The following MTR variants were observed in gnomAD, a reference collection of about 807,000 sequenced individuals.
MTR encodes the protein methionine synthase.
A neutral mutation model predicts 154.8 loss-of-function variants in MTR; 84 were observed. That is an observed-to-expected ratio of 0.54 (90% CI 0.45 to 0.65). MTR has a LOEUF of 0.65. MTR is among the 30% of genes least tolerant of loss of function. MTR has a pLI of 0.00. For synonymous variants in MTR, 554 were observed against 553.9 expected, an observed-to-expected ratio of 1.00 and a Z score of 0.00; for missense variants, 1,275 against 1,570.2, an observed-to-expected ratio of 0.81 and a Z score of 3.18.
In MTR at chr1:236,850,377, A is replaced by T; in HGVS notation, c.1549A>T (p.Thr517Ser). The change falls in exon 16 of 33, where the codon ACC becomes TCC. Residue 517 changes from threonine to serine, a missense_variant. Physicochemically the swap from Thr to Ser is moderately conservative, Grantham distance 58 (BLOSUM62 1). Transcript: ENST00000366577. ...AACAGACACAAAAATCAGAGTGTGC[A>T]CCCGGGCCTACCATCTGCTTGTGAA... is the stretch of plus-strand genomic sequence containing the variant. Reference protein sequence around the residue: ...TETDTKIRVCTRAYHLLVKKL... With the variant: ...TETDTKIRVCSRAYHLLVKKL... The T allele has an allele frequency of 6.2e-7, 1 of 1,613,800 alleles. No homozygotes were observed. The highest frequency in any genetic ancestry group is 8.5e-7 in the Non-Finnish European group (1 of 1,179,912).
chr1:236,806,046 G>A (rs894884856), intron 2 of MTR, 98 bp from the exon 3 acceptor site: 2 of 987,466 alleles, frequency 2.0e-6, no homozygotes, highest in African/African-American at 1.6e-5. Flanking sequence ...ATGGTCAAAA[G>A]GTAGCTGCTG....
At chr1:236,891,904 A>G (rs1021562872) in intron 29 of MTR, among the ~76,000 whole-genome samples, 2 of 152,016 alleles carry the variant, frequency 1.3e-5, no homozygotes, top group African/African-American at 4.8e-5. Context: ...CCCCCAATAT[A>G]GAGAGGAGAG....
intron 18 of MTR, among the ~76,000 whole-genome samples, chr1:236,854,624 C>G (rs1255515789): frequency 6.6e-6 from 1 of 152,154 alleles, no homozygotes; most frequent in South Asian, 2.1e-4. Flanking sequence ...TGAAGTCATA[C>G]TAGACAGTTC....
At chr1:236,863,755 G>T (rs10802567) in intron 22 of MTR, among the ~76,000 whole-genome samples, 1 of 152,044 alleles carries the variant, frequency 6.6e-6, no homozygotes, top group Non-Finnish European at 1.5e-5. Flanking sequence ...GTAATTATCC[G>T]TGTTCAAAAA....
At position 236,824,189 on chromosome 1, in the gene MTR, A is replaced by G; in HGVS notation, c.835A>G (p.Thr279Ala). ...TATTGAAATAATTGGAAAATGTACA[A>G]CAGCCTATGTCCTCTGTTATCCCAA... The part of the protein sequence containing the change: ...PFIEIIGKCT[T>A]AYVLCYPNAG... The change falls in exon 9 of 33, where the codon ACA (threonine) becomes GCA (alanine). Residue 279 changes from threonine (T) to alanine (A), a missense_variant. Thr to Ala is a moderately conservative substitution (Grantham distance 58). Transcript: ENST00000366577. 1 of 1,614,060 alleles carries G rather than the reference A, an allele frequency of 6.2e-7. No homozygotes were observed. Among genetic ancestry groups the G allele is most frequent in the Non-Finnish European group, 8.5e-7 (1 of 1,179,954 alleles).
Position 236,838,413 on chromosome 1 carries a change from G to A in MTR, c.1330-1G>A, listed in dbSNP as rs768711513. The A allele has an allele frequency of 3.0e-5, 48 of 1,613,982 alleles. No individual in the cohort carries two copies. Among genetic ancestry groups the A allele is most frequent in the Non-Finnish European group, 3.9e-5 (46 of 1,180,010 alleles). ...TGATTTTCTTGCCTTTCTGATCTCA[G>A]GTACCTTTGTGCATCGACTCCTCCA... On this transcript the variant is annotated splice_acceptor_variant, in intron 14 of 32. Transcript: ENST00000366577. LOFTEE classifies it high-confidence loss of function.
At chr1:236,798,808 C>G (rs543003199) in intron 1 of MTR, among the ~76,000 whole-genome samples, 1 of 152,248 alleles carries the variant, frequency 6.6e-6, no homozygotes, top group African/African-American at 2.4e-5. Context: ...CAGATAAATA[C>G]AATTTTGTTG....
intron 13 of MTR, among the ~76,000 whole-genome samples, chr1:236,833,591 T>G (rs879832586): frequency 7.9e-5 from 12 of 152,054 alleles, no homozygotes; most frequent in Non-Finnish European, 1.3e-4. Context: ...GTGGAAACAG[T>G]AGGAGGGGGC....
chr1:236,864,422 C>T (rs985842408), intron 22 of MTR, among the ~76,000 whole-genome samples: 3 of 152,244 alleles, frequency 2.0e-5, no homozygotes, highest in African/African-American at 4.8e-5. Context: ...TCATTAAATG[C>T]GGCTAAGAAC....
intron 19 of MTR, 28 bp from the exon 20 acceptor site, chr1:236,861,097 C>CTTTTTTTTTTTTTTTTTTCTTTTTTTT: frequency 8.6e-7 from 1 of 1,156,660 alleles, no homozygotes; most frequent in Non-Finnish European, 1.2e-6. Context: ...CTTTCTTTTT[C>CTTTTTTTTTTTTTTTTTTCTTTTTTTT]TTTTTTTTTT....
At chr1:236,837,363 C>G (rs1205405609) in intron 14 of MTR, among the ~76,000 whole-genome samples, 1 of 152,206 alleles carries the variant, frequency 6.6e-6, no homozygotes. Flanking sequence ...CCCTGGGAAG[C>G]TTTCCCTGGA....
At chr1:236,887,947 A>G (rs1401040318) in intron 27 of MTR, among the ~76,000 whole-genome samples, 1 of 152,224 alleles carries the variant, frequency 6.6e-6, no homozygotes, top group Non-Finnish European at 1.5e-5. Flanking sequence ...GATTCCTTTT[A>G]GTTTCTCTAC....
At chr1:236,872,355 C>T (rs902160484) in intron 22 of MTR, among the ~76,000 whole-genome samples, 1 of 152,078 alleles carries the variant, frequency 6.6e-6, no homozygotes, top group Non-Finnish European at 1.5e-5. Context: ...GCCCTCTTGC[C>T]CTCGGTGACC....
chr1:236,833,370 T>C (rs1424803352), intron 13 of MTR, among the ~76,000 whole-genome samples: 3 of 152,256 alleles, frequency 2.0e-5, no homozygotes, highest in African/African-American at 7.2e-5. Flanking sequence ...GGTCTTTCTA[T>C]ATGCCAGTCA....
rs1226406852 is a variant in MTR, at chr1:236,900,999, A to T, written c.*3355A>T. 6.5e-6 allele frequency: 1 copy of T among 152,960 alleles called. No homozygotes were observed. Among genetic ancestry groups the T allele is most frequent in the Non-Finnish European group, 1.5e-5 (1 of 68,174 alleles). 9.5% of individuals were successfully genotyped at this position (152,960 alleles called of 1,614,324 possible). ...AGAATTGAGAGACTTGAACGTGGAG[A>T]TGGAGGTCAGGCTGCAGTGCGATGG... On this transcript the variant is annotated 3_prime_UTR_variant, in exon 33 of 33. Coordinates refer to ENST00000366577, the MANE Select transcript of MTR (RefSeq NM_000254.3).
intron 27 of MTR, among the ~76,000 whole-genome samples, chr1:236,887,741 T>C (rs1286762147): frequency 2.0e-5 from 3 of 152,224 alleles, no homozygotes; most frequent in African/African-American, 7.2e-5. Flanking sequence ...AAATATGTCT[T>C]GAGGACAGCC....
At chr1:236,871,987 A>G (rs1355171790) in intron 22 of MTR, among the ~76,000 whole-genome samples, 4 of 152,146 alleles carry the variant, frequency 2.6e-5, no homozygotes, top group African/African-American at 9.7e-5. Context: ...AGTCTTAAGC[A>G]TTCTTTTTTG....
In MTR at chr1:236,861,181, A is replaced by G. The variant is rs1558318326; in HGVS notation, c.2100A>G (p.Lys700=). Residue 700 remains lysine, a synonymous_variant, in exon 20 of 33, where the codon AAA becomes AAG. Coordinates refer to ENST00000366577, the MANE Select transcript of MTR (RefSeq NM_000254.3). ...AGGAAGCCAGGTTAAACCAAAAAAAATATCCCCGACCTCTCAATATAATTG... is the reference window on the plus strand; with the variant it reads ...AGGAAGCCAGGTTAAACCAAAAAAAGTATCCCCGACCTCTCAATATAATTG... ...DTEEARLNQK[K]YPRPLNIIEG... 2 of 1,613,228 alleles carry G rather than the reference A, an allele frequency of 1.2e-6. No individual in the cohort carries two copies. The highest frequency in any genetic ancestry group is 2.2e-5 in the East Asian group (1 of 44,844).
At position 236,809,590 on chromosome 1, in the gene MTR, C is replaced by T. The variant is rs114197032; in HGVS notation, c.409+817C>T. Among the ~76,000 whole-genome samples, 583 of 152,306 alleles carry T rather than the reference C, an allele frequency of 3.8e-3. 4 individuals are homozygous for T. The highest frequency in any genetic ancestry group is 0.013 in the African/African-American group (551 of 41,550). ...CTATTACTCCAACAGAGTCACAGGT[C>T]AGAGGACACTGAACCAGCTAAAGCA... is the stretch of plus-strand genomic sequence containing the variant. On this transcript the variant is annotated intron_variant, in intron 4 of 32. Transcript: ENST00000366577.
Sources: allele counts gnomAD v4.1 joint callset (sites outside exome capture counted in the v4.1 genomes callset), GRCh38; gene constraint gnomAD v4.1.1; transcripts MANE v1.5; gene names NCBI Gene and HGNC (gene_info 2026-07-23, HGNC 2026-07-21).